PLA2G4A: variants seen among roughly 807,000 people sequenced by gnomAD.
PLA2G4A encodes the protein cytosolic phospholipase A2.
A neutral mutation model predicts 81.9 loss-of-function variants in PLA2G4A; 40 were observed. The observed-to-expected ratio is 0.49, with a 90% confidence interval of 0.38 to 0.64. The LOEUF (loss-of-function observed/expected upper bound fraction) is 0.64, where lower values mean the gene tolerates loss of function less well. Ranked by LOEUF, PLA2G4A falls within the 30% of genes least tolerant of loss-of-function variation. The pLI is 0.00. For missense variants in PLA2G4A, 715 were observed against 905.1 expected (o/e 0.79, Z 2.69); for synonymous variants, 302 against 296.9 (o/e 1.02, Z -0.18).
chr1:186,901,976 G>A (rs1654555747), intron 5 of PLA2G4A, among the ~76,000 whole-genome samples: 1 of 152,144 alleles, frequency 6.6e-6, no homozygotes, highest in South Asian at 2.1e-4. Context: ...GATACATGCT[G>A]AGAAATGCAT....
intron 15 of PLA2G4A, among the ~76,000 whole-genome samples, chr1:186,976,221 C>T (rs1657525017): frequency 6.6e-6 from 1 of 152,142 alleles, no homozygotes; most frequent in Non-Finnish European, 1.5e-5. Flanking sequence ...ACCTAGTCGA[C>T]CACTATTGAT....
At chr1:186,931,504 G>T (rs912076035) in intron 7 of PLA2G4A, among the ~76,000 whole-genome samples, 2 of 142,618 alleles carry the variant, frequency 1.4e-5, no homozygotes, top group Non-Finnish European at 3.0e-5. Context: ...CCAATTTAAA[G>T]CAAAAATGTT....
At chr1:186,970,860 T>C (rs1417173214) in intron 15 of PLA2G4A, among the ~76,000 whole-genome samples, 1 of 152,044 alleles carries the variant, frequency 6.6e-6, no homozygotes. Context: ...AGCTTTGTTC[T>C]TTTTGCTCAG....
intron 1 of PLA2G4A, among the ~76,000 whole-genome samples, chr1:186,839,451 G>T (rs1458129684): frequency 6.6e-6 from 1 of 152,066 alleles, no homozygotes; most frequent in Admixed American, 6.5e-5. Flanking sequence ...ATTTCTCATT[G>T]GCAAAATGAA....
At chr1:186,975,555 T>C (rs187069540) in intron 15 of PLA2G4A, among the ~76,000 whole-genome samples, 13 of 152,334 alleles carry the variant, frequency 8.5e-5, no homozygotes, top group Non-Finnish European at 1.8e-4. Flanking sequence ...AGCAATCCTA[T>C]GAGAAAGGCG....
At chr1:186,940,712 G>A (rs759944738) in intron 10 of PLA2G4A, among the ~76,000 whole-genome samples, 1 of 152,122 alleles carries the variant, frequency 6.6e-6, no homozygotes, top group Non-Finnish European at 1.5e-5. Context: ...TACATGTTTA[G>A]TACAGATCAA....
At chr1:186,912,783 CTT>C (rs1491203729) in intron 7 of PLA2G4A, among the ~76,000 whole-genome samples, 5 of 99,372 alleles carry the variant, frequency 5.0e-5, no homozygotes, top group African/African-American at 1.2e-4. Context: ...TATATGTATA[CTT>C]ATATATATAT....
At chr1:186,901,524 G>T (rs1004972997) in intron 5 of PLA2G4A, among the ~76,000 whole-genome samples, 1 of 152,086 alleles carries the variant, frequency 6.6e-6, no homozygotes, top group Non-Finnish European at 1.5e-5. Context: ...TATAAACCTG[G>T]GAAGTGCTTA....
chr1:186,896,271 T>C (rs947421112), intron 5 of PLA2G4A, among the ~76,000 whole-genome samples: 1 of 152,254 alleles, frequency 6.6e-6, no homozygotes. Context: ...CTTGTCATTG[T>C]TGCTGTTATT....
chr1:186,831,138 A>G (rs1358486970), intron 1 of PLA2G4A, among the ~76,000 whole-genome samples: 1 of 152,012 alleles, frequency 6.6e-6, no homozygotes. Flanking sequence ...AATGCACATT[A>G]TGCCATTCCA....
chr1:186,856,480 C>T (rs78912869), intron 2 of PLA2G4A, among the ~76,000 whole-genome samples: 1 of 151,124 alleles, frequency 6.6e-6, no homozygotes, highest in East Asian at 2.0e-4. Context: ...ACTACCATCT[C>T]TCGGGTTCAA....
intron 1 of PLA2G4A, among the ~76,000 whole-genome samples, chr1:186,848,674 A>G (rs1345425620): frequency 1.3e-5 from 2 of 151,996 alleles, no homozygotes; most frequent in Non-Finnish European, 2.9e-5. Context: ...GCCATGAGTC[A>G]TGTTTGTTTA....
At chr1:186,986,298 T>G (rs10752989) in intron 17 of PLA2G4A, among the ~76,000 whole-genome samples, 70,122 of 152,044 alleles carry the variant, frequency 0.46, 18,593 homozygotes, top group East Asian at 0.59. Context: ...TCAGTTTAAT[T>G]TTTTGTATGG....
chr1:186,947,416 A>G (rs915682194), intron 12 of PLA2G4A, among the ~76,000 whole-genome samples: 1 of 152,110 alleles, frequency 6.6e-6, no homozygotes, highest in Non-Finnish European at 1.5e-5. Flanking sequence ...TATACCCAAA[A>G]GAAGGAAAAA....
At chr1:186,909,214 T>C (rs985926249) in intron 6 of PLA2G4A, among the ~76,000 whole-genome samples, 12 of 150,546 alleles carry the variant, frequency 8.0e-5, no homozygotes, top group Non-Finnish European at 1.8e-4. Flanking sequence ...GACCTCGTGA[T>C]CCGCCTGCCT....
At chr1:186,939,307 G>T in intron 9 of PLA2G4A, 77 bp downstream of exon 9, 1 of 630,644 alleles carries the variant, frequency 1.6e-6, no homozygotes, top group Non-Finnish European at 2.6e-6. Flanking sequence ...TTAAATAAAA[G>T]AAAATGTAAT....
intron 7 of PLA2G4A, among the ~76,000 whole-genome samples, chr1:186,929,089 T>A (rs1182965126): frequency 6.6e-6 from 1 of 152,228 alleles, no homozygotes; most frequent in African/African-American, 2.4e-5. Flanking sequence ...TTTGAAGTGA[T>A]ACATAATTTG....
intron 7 of PLA2G4A, among the ~76,000 whole-genome samples, chr1:186,923,522 T>C (rs1655438733): frequency 6.6e-6 from 1 of 152,218 alleles, no homozygotes; most frequent in Non-Finnish European, 1.5e-5. Context: ...GGAGTTACCT[T>C]CCTTAGTGAT....
At chr1:186,878,634 T>C (rs1440280265) in intron 3 of PLA2G4A, among the ~76,000 whole-genome samples, 1 of 151,874 alleles carries the variant, frequency 6.6e-6, no homozygotes, top group East Asian at 1.9e-4. Flanking sequence ...CTGTTGTTCC[T>C]TCCTCATCTG....
Sources: gnomAD v4.1 joint callset for allele counts (sites outside exome capture counted in the v4.1 genomes callset) on GRCh38, gnomAD v4.1.1 for gene constraint, MANE v1.5 for transcripts, NCBI Gene and HGNC (gene_info 2026-07-23, HGNC 2026-07-21) for gene names.